Variants in PATJ observed in about 807,000 individuals in gnomAD.
The protein encoded by PATJ is inaD-like protein.
PATJ carries 190 observed loss-of-function variants against 224.9 expected under a neutral mutation model. That is an observed-to-expected ratio of 0.84 (90% CI 0.75 to 0.95). The LOEUF (loss-of-function observed/expected upper bound fraction) is 0.95, where lower values mean the gene tolerates loss of function less well. Ranked by LOEUF, PATJ falls within the 40% of genes least tolerant of loss-of-function variation. PATJ has a pLI of 0.00. For synonymous variants in PATJ, 769 were observed against 820.3 expected (o/e 0.94, Z 1.07); for missense variants, 2,121 against 2,270.3 (o/e 0.93, Z 1.34).
At chr1:62,014,215 A>G (rs772971930) in intron 28 of PATJ, among the ~76,000 whole-genome samples, 3 of 151,306 alleles carry the variant, frequency 2.0e-5, no homozygotes, top group Non-Finnish European at 4.4e-5. Flanking sequence ...ACATCACCAT[A>G]ACTGGTTAAC....
At chr1:62,138,589 G>A (rs1357007134) in intron 41 of PATJ, among the ~76,000 whole-genome samples, 2 of 152,148 alleles carry the variant, frequency 1.3e-5, no homozygotes. Context: ...TTACAGGTGT[G>A]AGCCACTGCA....
chr1:61,772,372 C>T (rs987671023), intron 6 of PATJ, among the ~76,000 whole-genome samples: 15 of 152,040 alleles, frequency 9.9e-5, no homozygotes, highest in Admixed American at 5.9e-4. Context: ...AAAATTATAG[C>T]AGGCTTTTTT....
At chr1:61,916,630 T>C (rs1347660395) in intron 26 of PATJ, among the ~76,000 whole-genome samples, 1 of 152,228 alleles carries the variant, frequency 6.6e-6, no homozygotes, top group Admixed American at 6.5e-5. Flanking sequence ...AACTGTCTGA[T>C]GGGTTCATCT....
intron 7 of PATJ, among the ~76,000 whole-genome samples, chr1:61,783,372 G>A (rs1647742523): frequency 1.3e-5 from 2 of 148,212 alleles, no homozygotes; most frequent in Admixed American, 1.3e-4. Context: ...TGATTTCATT[G>A]TCTGAGTTGT....
At chr1:62,008,905 A>T (rs935304560) in intron 28 of PATJ, among the ~76,000 whole-genome samples, 1 of 152,182 alleles carries the variant, frequency 6.6e-6, no homozygotes, top group Non-Finnish European at 1.5e-5. Flanking sequence ...GGAAGCATCA[A>T]ATCAGGAATA....
chr1:62,147,289 G>C (rs758406507), intron 41 of PATJ, among the ~76,000 whole-genome samples: 2 of 96,066 alleles, frequency 2.1e-5, no homozygotes, highest in African/African-American at 1.0e-4. Flanking sequence ...TTAAATAATA[G>C]AAGGAATGGC....
At chr1:61,893,775 C>T (rs1193037711) in intron 22 of PATJ, among the ~76,000 whole-genome samples, 1 of 140,024 alleles carries the variant, frequency 7.1e-6, no homozygotes, top group East Asian at 2.1e-4. Flanking sequence ...AAAAGCAAAA[C>T]AACAAAACAA....
At chr1:62,158,712 C>A (rs1303005777) in intron 43 of PATJ, among the ~76,000 whole-genome samples, 2 of 109,674 alleles carry the variant, frequency 1.8e-5, no homozygotes, top group African/African-American at 3.7e-5. Flanking sequence ...CAGAGCGAGA[C>A]TCTGTCTCAA....
intron 29 of PATJ, among the ~76,000 whole-genome samples, chr1:62,022,167 T>C (rs1420523281): frequency 6.6e-6 from 1 of 152,202 alleles, no homozygotes; most frequent in African/African-American, 2.4e-5. Flanking sequence ...AACTAAGGCC[T>C]TTAGTCTATA....
chr1:61,802,268 AT>A (rs1329662325), intron 12 of PATJ, among the ~76,000 whole-genome samples: 4 of 151,952 alleles, frequency 2.6e-5, no homozygotes, highest in Admixed American at 2.6e-4. Flanking sequence ...TAATTTTTGT[AT>A]TTTTAGTAGA....
intron 33 of PATJ, among the ~76,000 whole-genome samples, chr1:62,090,067 A>G (rs1660539432): frequency 6.6e-6 from 1 of 152,172 alleles, no homozygotes; most frequent in Admixed American, 6.6e-5. Context: ...TCTCTGCTAT[A>G]AATAGTTTCT....
At position 61,940,239 on chromosome 1, in the gene PATJ, G is replaced by A. The variant is rs539881412; in HGVS notation, c.3670+12410G>A. ...TTTAGTTTCCTCATTTTAAGATTGG[G>A]AATATGATAACAATAATACCCTTTT... On this transcript the variant is annotated intron_variant, in intron 27 of 43. Transcript: ENST00000642238. Among the ~76,000 whole-genome samples the A allele has an allele frequency of 7.4e-4, 112 of 152,150 alleles. 1 individual carries two copies. The highest frequency in any genetic ancestry group is 1.2e-3 in the Non-Finnish European group (83 of 68,024).
Position 61,833,670 on chromosome 1 carries a change from A to T in PATJ, c.1997A>T (p.Asp666Val). ...GTATTTCAGGTTGACCACAATATGG[A>T]TGTCAATACTGAAGAAGATGATGAT... is the stretch of plus-strand genomic sequence containing the variant. ...LPETEVDHNM[D>V]VNTEEDDDGE... The change falls in exon 17 of 44, where the codon GAT becomes GTT. Residue 666 changes from aspartate to valine, a missense_variant. Physicochemically the swap from Asp to Val is radical, Grantham distance 152. Coordinates refer to ENST00000642238, the MANE Select transcript of PATJ (RefSeq NM_001350145.3). The T allele has an allele frequency of 3.7e-6, 6 of 1,612,436 alleles. No homozygotes were observed. The highest frequency in any genetic ancestry group is 5.1e-6 in the Non-Finnish European group (6 of 1,179,234).
chr1:61,922,869 T>C (rs563513738), intron 26 of PATJ, among the ~76,000 whole-genome samples: 1 of 152,342 alleles, frequency 6.6e-6, no homozygotes, highest in African/African-American at 2.4e-5. Flanking sequence ...ACATATAAGG[T>C]AATACTCTGT....
chr1:61,781,880 C>T (rs762426568), intron 7 of PATJ, among the ~76,000 whole-genome samples: 1 of 152,176 alleles, frequency 6.6e-6, no homozygotes, highest in Non-Finnish European at 1.5e-5. Context: ...CAAGCTTCCA[C>T]GAGTCCGCTC....
chr1:61,773,545 G>A (rs556836280), intron 6 of PATJ, among the ~76,000 whole-genome samples: 67 of 151,524 alleles, frequency 4.4e-4, no homozygotes, highest in Admixed American at 9.9e-4. Flanking sequence ...CCAGCACTTT[G>A]GGAGACCGAG....
At chr1:61,744,964 C>T (rs1454669532) in intron 1 of PATJ, among the ~76,000 whole-genome samples, 1 of 152,128 alleles carries the variant, frequency 6.6e-6, no homozygotes, top group African/African-American at 2.4e-5. Context: ...AAGAATATTA[C>T]AGAGGATACA....
In PATJ at chr1:61,871,387, G is replaced by GTATATA. The variant is rs200638777; in HGVS notation, c.2836-3848_2836-3843dup. On this transcript the variant is annotated intron_variant, in intron 20 of 43. Coordinates refer to ENST00000642238, the MANE Select transcript of PATJ (RefSeq NM_001350145.3). Reference sequence around the variant, plus strand: ...CCACCATGCCTGGATAATTTTTTGTGTATATATATATATGTGTATATATAT... The same window carrying GTATATA: ...CCACCATGCCTGGATAATTTTTTGTGTATATATATATATATATATGTGTATATATAT... Among the ~76,000 whole-genome samples the GTATATA allele has an allele frequency of 1.8e-4, 16 of 89,542 alleles. 1 individual carries two copies. The highest frequency in any genetic ancestry group is 6.4e-3 in the Middle Eastern group (1 of 156). 58.7% of individuals were successfully genotyped at this position (89,542 alleles called of 152,430 possible). A position where few individuals can be genotyped will look rare whatever the true frequency, so the allele number is the denominator to read the frequency against.
At chr1:62,125,510 C>T (rs896694718) in intron 39 of PATJ, among the ~76,000 whole-genome samples, 6 of 151,968 alleles carry the variant, frequency 3.9e-5, no homozygotes, top group African/African-American at 1.4e-4. Context: ...TATTTTTCCA[C>T]CAGAGTAGCA....
Sources: gnomAD v4.1 joint callset for allele counts (sites outside exome capture counted in the v4.1 genomes callset) on GRCh38, gnomAD v4.1.1 for gene constraint, MANE v1.5 for transcripts, NCBI Gene and HGNC (gene_info 2026-07-23, HGNC 2026-07-21) for gene names.